KYAT3: variants seen among roughly 807,000 people sequenced by gnomAD.
KYAT3 encodes the protein kynurenine aminotransferase 3.
In KYAT3, 50 loss-of-function variants were observed where a neutral mutation model predicts 59.0. The observed-to-expected ratio is 0.85, with a 90% CI of 0.68 to 1.07. KYAT3 has a LOEUF of 1.07. KYAT3 is among the 50% of genes least tolerant of loss of function. The pLI, the probability that KYAT3 is intolerant of heterozygous loss-of-function variation, is 0.00. For synonymous variants in KYAT3, 148 were observed against 177.0 expected (o/e 0.84, Z 1.30); for missense variants, 497 against 533.3 (o/e 0.93, Z 0.67).
chr1:88,979,946 CAAAT>C (rs1440552399), intron 2 of KYAT3: 1 of 152,080 alleles, frequency 6.6e-6, no homozygotes, highest in African/African-American at 2.4e-5. Flanking sequence ...AGTAGAAAAA[CAAAT>C]AATGGCATAT....
chr1:88,973,245 T>C, intron 2 of KYAT3, among the ~76,000 whole-genome samples: 1 of 152,188 alleles, frequency 6.6e-6, no homozygotes, highest in Admixed American at 6.5e-5. Flanking sequence ...TGCTGATACT[T>C]ATCTCAGACT....
intron 8 of KYAT3, among the ~76,000 whole-genome samples, chr1:88,955,640 C>T (rs943186124): frequency 6.6e-6 from 1 of 152,030 alleles, no homozygotes; most frequent in African/African-American, 2.4e-5. Flanking sequence ...TTGTTTAGGC[C>T]CCTTTATTTT....
At chr1:88,925,481 G>A in the KYAT3 span, among the ~76,000 whole-genome samples, 1 of 152,168 alleles carries the variant, frequency 6.6e-6, no homozygotes, top group Non-Finnish European at 1.5e-5. Flanking sequence ...GAAGCTCTAC[G>A]CTGTGTCCTG....
chr1:88,977,287 C>T (rs1269341249), intron 2 of KYAT3, among the ~76,000 whole-genome samples: 1 of 151,500 alleles, frequency 6.6e-6, no homozygotes, highest in Non-Finnish European at 1.5e-5. Flanking sequence ...TTGCAACCTC[C>T]ACCTCCCGGG....
intron 13 of KYAT3, among the ~76,000 whole-genome samples, chr1:88,939,234 G>C (rs186389073): frequency 6.6e-6 from 1 of 152,106 alleles, no homozygotes; most frequent in Admixed American, 6.5e-5. Flanking sequence ...TGCTATTTTT[G>C]CCTTAAATTT....
chr1:88,944,824 C>T (rs1371187744), intron 11 of KYAT3, among the ~76,000 whole-genome samples: 1 of 152,004 alleles, frequency 6.6e-6, no homozygotes, highest in Non-Finnish European at 1.5e-5. Context: ...TCTTGTAGAG[C>T]TTAGACAAAA....
At chr1:88,990,451 T>C (rs1478689309) in intron 1 of KYAT3, among the ~76,000 whole-genome samples, 1 of 152,226 alleles carries the variant, frequency 6.6e-6, no homozygotes, top group Non-Finnish European at 1.5e-5. Context: ...TTGACCTTCA[T>C]ATTGTTAAAT....
At chr1:88,932,712 T>G (rs984872374), downstream of KYAT3, among the ~76,000 whole-genome samples, 2 of 152,116 alleles carry the variant, frequency 1.3e-5, no homozygotes, top group Non-Finnish European at 2.9e-5. Flanking sequence ...CCCAGGCTGG[T>G]CTTGAACTCC....
chr1:88,972,591 G>A (rs1312248241), intron 2 of KYAT3, among the ~76,000 whole-genome samples: 1 of 152,128 alleles, frequency 6.6e-6, no homozygotes, highest in Non-Finnish European at 1.5e-5. Context: ...AGGTTTTCTT[G>A]TTCATACTAC....
intron 2 of KYAT3, among the ~76,000 whole-genome samples, chr1:88,987,897 T>C (rs572940124): frequency 3.5e-4 from 54 of 152,352 alleles, no homozygotes; most frequent in African/African-American, 1.3e-3. Context: ...GATGTACGTA[T>C]TGTATTTGGT....
chr1:88,940,040 AC>A (rs1402919766), intron 13 of KYAT3, among the ~76,000 whole-genome samples: 3 of 151,824 alleles, frequency 2.0e-5, no homozygotes, highest in Admixed American at 6.6e-5. Context: ...ATATAGATTC[AC>A]AGTTGGTTCC....
In KYAT3 at chr1:88,988,290, T is replaced by C; in HGVS notation, c.61A>G (p.Ile21Val). ...LSGRAKFLKT[I>V]SSSKILGFST... ...AATCCGAGGATTTTGGAAGAAGAAA[T>C]TGTCTTCAGGAATTTTGCTCTACCG... The change falls in exon 2 of 14, where the codon ATT becomes GTT. Residue 21 changes from isoleucine to valine, a missense_variant. Physicochemically the swap from Ile to Val is conservative, Grantham distance 29. Coordinates refer to ENST00000260508, the MANE Select transcript of KYAT3 (RefSeq NM_001008661.3). 2 of 1,613,648 alleles carry C rather than the reference T, an allele frequency of 1.2e-6. No homozygotes were observed. The highest frequency in any genetic ancestry group is 1.1e-5 in the South Asian group (1 of 91,026).
At chr1:88,925,876 T>C in the KYAT3 span, among the ~76,000 whole-genome samples, 1 of 152,198 alleles carries the variant, frequency 6.6e-6, no homozygotes, top group Admixed American at 6.5e-5. Flanking sequence ...AAACCTATGA[T>C]TGATAATTGA....
intron 3 of KYAT3, 88 bp from the exon 4 acceptor site, chr1:88,968,902 C>CA (rs1309286598): frequency 8.2e-6 from 8 of 975,190 alleles, no homozygotes; most frequent in African/African-American, 1.7e-5. Context: ...ACAAAACAGA[C>CA]AAATAAGACC....
At position 88,936,105 on chromosome 1, in the gene KYAT3, A is replaced by G. The variant is rs545080943; in HGVS notation, c.*78T>C. On this transcript the variant is annotated 3_prime_UTR_variant, in exon 14 of 14. Transcript: ENST00000260508. ...TCCAGTTGTACTGAAATACCTTTTA[A>G]CATCCAGCAGGTGGCAGCACTAAGT... The G allele has an allele frequency of 1.6e-4, 147 of 923,634 alleles. No homozygotes were observed. Among genetic ancestry groups the G allele is most frequent in the Non-Finnish European group, 2.4e-4 (139 of 586,594 alleles). 57.2% of individuals were successfully genotyped at this position (923,634 alleles called of 1,614,324 possible).
At position 88,943,435 on chromosome 1, in the gene KYAT3, A is replaced by G. The variant is rs948968275; in HGVS notation, c.1142-12T>C. ...AGAGAGGTCTGGATCTAAAACCACAATGAAAATTAGGTGGCCTATGAATTT... is the reference window on the plus strand; with the variant it reads ...AGAGAGGTCTGGATCTAAAACCACAGTGAAAATTAGGTGGCCTATGAATTT... On this transcript the variant is annotated splice_polypyrimidine_tract_variant and intron_variant, in intron 11 of 13. Coordinates refer to ENST00000260508, the MANE Select transcript of KYAT3 (RefSeq NM_001008661.3). 3.4e-6 allele frequency: 5 copies of G among 1,457,724 alleles called. No individual in the cohort carries two copies. The African/African-American group carries it at 4.3e-5, about 13-fold the overall frequency. The allele number at this position is 1,457,724 out of a possible 1,614,324, so 90.3% of individuals were successfully genotyped here. A position where few individuals can be genotyped will look rare whatever the true frequency, so the allele number is the denominator to read the frequency against.
At chr1:88,973,396 A>C (rs1676633992) in intron 2 of KYAT3, among the ~76,000 whole-genome samples, 1 of 152,240 alleles carries the variant, frequency 6.6e-6, no homozygotes, top group Non-Finnish European at 1.5e-5. Context: ...GGAGTCACCA[A>C]GATTCTGCAG....
chr1:88,935,989 CA>C lies in KYAT3; in HGVS notation c.*193del. The C allele has an allele frequency of 2.0e-6, 1 of 508,826 alleles. No homozygotes were observed. Among genetic ancestry groups the C allele is most frequent in the Non-Finnish European group, 3.5e-6 (1 of 282,032 alleles). The allele number at this position is 508,826 out of a possible 1,614,324, so 31.5% of individuals were successfully genotyped here. ...AATGATTGTGGAAGGTGTGTTAATA[CA>C]TTTCAACTGGAAAAAAAAGGTCAGA... On this transcript the variant is annotated 3_prime_UTR_variant, in exon 14 of 14. Transcript: ENST00000260508.
At chr1:88,952,084 T>TCTGA (rs1315772978) in intron 10 of KYAT3, among the ~76,000 whole-genome samples, 4 of 152,210 alleles carry the variant, frequency 2.6e-5, no homozygotes, top group Non-Finnish European at 1.5e-5. Context: ...AAGACCCATT[T>TCTGA]CTGACTTCTG....
Sources: gnomAD v4.1 joint callset for allele counts (sites outside exome capture counted in the v4.1 genomes callset) on GRCh38, gnomAD v4.1.1 for gene constraint, MANE v1.5 for transcripts, NCBI Gene and HGNC (gene_info 2026-07-23, HGNC 2026-07-21) for gene names.